The following DST variants were observed in gnomAD, a reference collection of about 807,000 sequenced individuals.
The protein encoded by DST is dystonin.
DST carries 253 observed loss-of-function variants against 875.2 expected under a neutral mutation model. That is an observed-to-expected ratio of 0.29 (90% CI 0.26 to 0.32). The LOEUF (loss-of-function observed/expected upper bound fraction) is 0.32. DST is among the 10% of genes least tolerant of loss of function. The pLI is 1.00. For missense variants in DST, 8,287 were observed against 9,111.6 expected, an observed-to-expected ratio of 0.91 and a Z score of 3.68; for synonymous variants, 3,124 against 3,197.1, an observed-to-expected ratio of 0.98 and a Z score of 0.77.
In DST at chr6:56,492,993, C is replaced by A. The variant is rs2095801297; in HGVS notation, c.20491G>T (p.Val6831Leu). Reference protein sequence around the residue: ...WLTQAEQTLNVASRPSLILDT... With the variant: ...WLTQAEQTLNLASRPSLILDT... ...AAGATGAGACTTGGCCGAGAAGCTACATTTAGGGTCTGTTCAGCCTGAGTA... is the reference window on the plus strand; with the variant it reads ...AAGATGAGACTTGGCCGAGAAGCTAAATTTAGGGTCTGTTCAGCCTGAGTA... The change falls in exon 84 of 104, where the codon GTA (valine) becomes TTA (leucine). Residue 6831 changes from valine to leucine, a missense_variant. Val to Leu is a conservative substitution (Grantham distance 32). This residue lies in a region of DST where 1,292 missense variants were observed against 1,552.7 expected (regional missense o/e 0.83). Coordinates refer to ENST00000680361, the MANE Select transcript of DST (RefSeq NM_001374736.1). 4 of 1,612,410 alleles carry A rather than the reference C, an allele frequency of 2.5e-6. No individual in the cohort carries two copies. The highest frequency in any genetic ancestry group is 1.7e-4 in the Middle Eastern group (1 of 6,058).
At chr6:56,613,599 C>T (rs1000054629) in intron 37 of DST, among the ~76,000 whole-genome samples, 4 of 132,444 alleles carry the variant, frequency 3.0e-5, no homozygotes, top group East Asian at 2.1e-4. Context: ...TTGAGAAAAA[C>T]GCTTCTTATC....
At chr6:56,533,644 A>G (rs2096938038) in intron 63 of DST, among the ~76,000 whole-genome samples, 1 of 152,222 alleles carries the variant, frequency 6.6e-6, no homozygotes, top group African/African-American at 2.4e-5. Context: ...CAATTAAAAA[A>G]GCAAAATCAA....
At chr6:56,826,012 A>T (rs2099780019) in intron 4 of DST, among the ~76,000 whole-genome samples, 1 of 152,244 alleles carries the variant, frequency 6.6e-6, no homozygotes, top group African/African-American at 2.4e-5. Flanking sequence ...AAAAAAGTAA[A>T]GTTAGATAAG....
rs1046517156 is a variant in DST, at chr6:56,615,293, A to G, written c.4930-809T>C. On this transcript the variant is annotated intron_variant, in intron 36 of 103. Transcript: ENST00000680361. Reference sequence around the variant, plus strand: ...TTTTAGTGTGGCCAAGTTTCAAAAAACCATTCTCAAGGCTAAATGAAACCA... The same window carrying G: ...TTTTAGTGTGGCCAAGTTTCAAAAAGCCATTCTCAAGGCTAAATGAAACCA... 3 of 1,346,766 alleles carry G rather than the reference A, an allele frequency of 2.2e-6. No homozygotes were observed. The South Asian group carries it at 5.3e-5, about 24-fold the overall frequency. The allele number at this position is 1,346,766 out of a possible 1,614,324, so 83.4% of individuals were successfully genotyped here.
intron 49 of DST, among the ~76,000 whole-genome samples, chr6:56,583,434 G>C (rs1391202880): frequency 6.6e-6 from 1 of 152,114 alleles, no homozygotes; most frequent in Non-Finnish European, 1.5e-5. Flanking sequence ...CCCACTTTTT[G>C]ATGGGGTTGT....
chr6:56,752,946 C>T (rs1041306921), intron 4 of DST, among the ~76,000 whole-genome samples: 2 of 152,084 alleles, frequency 1.3e-5, no homozygotes, highest in African/African-American at 4.8e-5. Context: ...CATGCACCAC[C>T]ACACCTGGCT....
At chr6:56,612,659 T>C (rs910371078) in intron 37 of DST, among the ~76,000 whole-genome samples, 6 of 152,188 alleles carry the variant, frequency 3.9e-5, no homozygotes, top group Non-Finnish European at 7.3e-5. Flanking sequence ...TTAAAGTTTA[T>C]TTTTCATGAC....
At chr6:56,868,449 A>G (rs1775321064) in intron 3 of DST, among the ~76,000 whole-genome samples, 2 of 152,218 alleles carry the variant, frequency 1.3e-5, no homozygotes, top group African/African-American at 2.4e-5. Context: ...GCCTCTTTAT[A>G]TAGTTACCCT....
chr6:56,681,575 A>G (rs552573175), intron 9 of DST, among the ~76,000 whole-genome samples: 2 of 152,116 alleles, frequency 1.3e-5, no homozygotes, highest in South Asian at 4.1e-4. Flanking sequence ...TACTCCACTC[A>G]TACTGGTATA....
At chr6:56,787,034 C>G (rs1158571916) in intron 4 of DST, among the ~76,000 whole-genome samples, 1 of 152,194 alleles carries the variant, frequency 6.6e-6, no homozygotes, top group Admixed American at 6.5e-5. Flanking sequence ...ACCGTTTCAA[C>G]AAATTTACAC....
chr6:56,686,537 T>C (rs964415674), intron 9 of DST, among the ~76,000 whole-genome samples: 4 of 152,258 alleles, frequency 2.6e-5, no homozygotes, highest in Non-Finnish European at 2.9e-5. Context: ...TTTAGTTTCA[T>C]GCTACCTTAT....
intron 2 of DST, 128 bp from the exon 3 acceptor site, chr6:56,900,749 T>G: frequency 1.7e-6 from 1 of 593,648 alleles, no homozygotes; most frequent in Admixed American, 3.6e-5. Flanking sequence ...ACTCCCAAAG[T>G]GAGCATGGAG....
At chr6:56,909,150 C>T (rs115694890) in intron 2 of DST, among the ~76,000 whole-genome samples, 1,916 of 152,258 alleles carry the variant, frequency 0.013, 23 homozygotes, top group Non-Finnish European at 0.021. Context: ...TGTTATTCAA[C>T]GCATTAATTA....
intron 3 of DST, among the ~76,000 whole-genome samples, chr6:56,880,854 T>C (rs942932046): frequency 7.6e-6 from 1 of 130,980 alleles, no homozygotes; most frequent in African/African-American, 2.8e-5. Context: ...TTTTTTTTTT[T>C]TTTTTTTTTT....
chr6:56,642,127 A>G, intron 16 of DST, 26 bp from the exon 17 acceptor site: 1 of 1,572,366 alleles, frequency 6.4e-7, no homozygotes. Context: ...ACTCAGTATT[A>G]ATTCTGTGAA....
chr6:56,625,067 G>A, intron 35 of DST, 90 bp downstream of exon 35: 2 of 884,940 alleles, frequency 2.3e-6, no homozygotes, highest in Non-Finnish European at 3.8e-6. Context: ...TTTATACTAT[G>A]TATATTTTAC....
Position 56,871,615 on chromosome 6 carries a change from C to G in DST, c.418-20011G>C, listed in dbSNP as rs1436564546. 6 of 765,434 alleles carry G rather than the reference C, an allele frequency of 7.8e-6. No individual in the cohort carries two copies. In the East Asian group the frequency reaches 1.5e-4, roughly 19 times the overall value. The allele number at this position is 765,434 out of a possible 1,614,324, so 47.4% of individuals were successfully genotyped here. Reference sequence around the variant, plus strand: ...GGTTGGATTAACCCATACATGAGCTCTCTCTGCCACATCGAGATGATCCTT... The same window carrying G: ...GGTTGGATTAACCCATACATGAGCTGTCTCTGCCACATCGAGATGATCCTT... On this transcript the variant is annotated intron_variant, in intron 3 of 103. Coordinates refer to ENST00000680361, the MANE Select transcript of DST (RefSeq NM_001374736.1).
At chr6:56,632,604 T>G (rs2098790808) in intron 28 of DST, among the ~76,000 whole-genome samples, 1 of 152,216 alleles carries the variant, frequency 6.6e-6, no homozygotes, top group African/African-American at 2.4e-5. Flanking sequence ...GTGAAAACGT[T>G]GAAAAGTAAG....
chr6:56,699,916 C>G (rs1330344416), intron 8 of DST, among the ~76,000 whole-genome samples, 171 bp from the exon 9 acceptor site: 1 of 152,188 alleles, frequency 6.6e-6, no homozygotes, highest in African/African-American at 2.4e-5. Context: ...TTTTATATTA[C>G]AAATCATATG....
Sources: allele counts gnomAD v4.1 joint callset (sites outside exome capture counted in the v4.1 genomes callset), GRCh38; gene constraint gnomAD v4.1.1; regional missense constraint gnomAD v4.1.1; transcripts MANE v1.5; gene names NCBI Gene and HGNC (gene_info 2026-07-23, HGNC 2026-07-21).